Variants in FBXO4 observed in about 807,000 individuals in gnomAD.
FBXO4 encodes F-box only protein 4.
Under a neutral mutation model 43.7 loss-of-function variants are expected in FBXO4, and 36 were observed. The observed-to-expected ratio is 0.82, with a 90% CI of 0.63 to 1.09. The LOEUF (loss-of-function observed/expected upper bound fraction) is 1.09, where lower values mean the gene tolerates loss of function less well. Among genes scored for constraint, FBXO4 ranks in the 50% least tolerant of loss-of-function variants. The pLI is 0.00. For missense variants in FBXO4, 435 were observed against 474.1 expected, an observed-to-expected ratio of 0.92 and a Z score of 0.77; for synonymous variants, 180 against 165.6, an observed-to-expected ratio of 1.09 and a Z score of -0.67.
At chr5:41,948,910 T>G in the FBXO4 span, among the ~76,000 whole-genome samples, 1 of 152,158 alleles carries the variant, frequency 6.6e-6, no homozygotes, top group Non-Finnish European at 1.5e-5. Context: ...TGGTTCAACA[T>G]AGGCAAATCA....
rs1752003017 is a variant in FBXO4 at position 41,941,442 on chromosome 5, T to C, written c.*161T>C. ...TGTTTTTTATATTATTTTTACTCTT[T>C]ACCATAAATCAATTACAAGAAAAGA... On this transcript the variant is annotated 3_prime_UTR_variant, in exon 7 of 7. Transcript: ENST00000281623. 4.4e-6 allele frequency: 2 copies of C among 449,698 alleles called. No individual in the cohort carries two copies. The highest frequency in any genetic ancestry group is 9.1e-5 in the South Asian group (2 of 21,996). 27.9% of individuals were successfully genotyped at this position (449,698 alleles called of 1,614,324 possible).
chr5:41,926,669 C>T (rs1168993209), intron 1 of FBXO4, among the ~76,000 whole-genome samples: 1 of 152,176 alleles, frequency 6.6e-6, no homozygotes, highest in African/African-American at 2.4e-5. Context: ...CAAATTATTT[C>T]CTTAACTAAT....
At chr5:42,017,597 GC>G in the FBXO4 span, among the ~76,000 whole-genome samples, 2 of 144,834 alleles carry the variant, frequency 1.4e-5, no homozygotes, top group African/African-American at 5.1e-5. Flanking sequence ...CCTCTTTCCT[GC>G]CCCCCTCTAG....
the FBXO4 span, among the ~76,000 whole-genome samples, chr5:41,958,695 A>G: frequency 6.6e-5 from 10 of 152,198 alleles, no homozygotes; most frequent in Non-Finnish European, 1.3e-4. Context: ...AATGTACTCC[A>G]GGTTCATCCA....
chr5:42,006,914 A>ATATATATATGTATG, the FBXO4 span, among the ~76,000 whole-genome samples: 1 of 141,502 alleles, frequency 7.1e-6, no homozygotes, highest in African/African-American at 2.7e-5. Flanking sequence ...ATATATATAT[A>ATATATATATGTATG]TATGTATATA....
the FBXO4 span, among the ~76,000 whole-genome samples, chr5:41,987,242 T>G: frequency 1.3e-5 from 2 of 152,144 alleles, no homozygotes; most frequent in Admixed American, 1.3e-4. Flanking sequence ...ATGGAAATAA[T>G]AAATATTAAT....
the FBXO4 span, among the ~76,000 whole-genome samples, chr5:42,024,788 G>C: frequency 6.6e-6 from 1 of 151,940 alleles, no homozygotes. Flanking sequence ...TCCCACAAAT[G>C]AGTGAGAACA....
chr5:41,929,496 C>T (rs780967547), intron 2 of FBXO4, among the ~76,000 whole-genome samples: 2 of 152,198 alleles, frequency 1.3e-5, no homozygotes, highest in Non-Finnish European at 2.9e-5. Context: ...ACTCCCACCC[C>T]CATGGCACCT....
At chr5:41,930,670 C>CTT (rs555192662) in intron 3 of FBXO4, among the ~76,000 whole-genome samples, 6 of 141,780 alleles carry the variant, frequency 4.2e-5, no homozygotes, top group East Asian at 2.0e-4. Context: ...TTCTTTCTTT[C>CTT]TTTTTTTTTT....
chr5:41,934,625 C>G, intron 5 of FBXO4: 1 of 1,229,572 alleles, frequency 8.1e-7, no homozygotes, highest in Non-Finnish European at 1.0e-6. Context: ...AAGTTTGGTA[C>G]TAGAGCTATA....
chr5:41,984,888 A>G, the FBXO4 span, among the ~76,000 whole-genome samples: 1 of 152,070 alleles, frequency 6.6e-6, no homozygotes, highest in Non-Finnish European at 1.5e-5. Flanking sequence ...GTATGGAGGG[A>G]CTTTTTATTC....
At chr5:41,946,051 T>G (rs1049807943), downstream of FBXO4, among the ~76,000 whole-genome samples, 2 of 152,166 alleles carry the variant, frequency 1.3e-5, no homozygotes, top group African/African-American at 4.8e-5. Context: ...CATAATCAAA[T>G]GACCTTAAAT....
chr5:42,031,141 A>T, the FBXO4 span, among the ~76,000 whole-genome samples: 5 of 152,308 alleles, frequency 3.3e-5, no homozygotes, highest in Non-Finnish European at 7.3e-5. Flanking sequence ...TCATGCTGCT[A>T]TAAAGACACA....
At chr5:41,973,667 C>A in the FBXO4 span, among the ~76,000 whole-genome samples, 6 of 152,160 alleles carry the variant, frequency 3.9e-5, no homozygotes, top group Non-Finnish European at 8.8e-5. Context: ...GGTGAGACAG[C>A]ATCTGCAGTT....
intron 5 of FBXO4, 146 bp downstream of exon 5, chr5:41,934,454 T>G (rs1751795991): frequency 6.8e-7 from 1 of 1,474,632 alleles, no homozygotes; most frequent in African/African-American, 1.4e-5. Flanking sequence ...TAATAGTGTG[T>G]TCTCACACTT....
chr5:42,010,959 G>T, the FBXO4 span, among the ~76,000 whole-genome samples: 1 of 151,940 alleles, frequency 6.6e-6, no homozygotes, highest in African/African-American at 2.4e-5. Context: ...TACGTGCCAT[G>T]GTGGTTTGCT....
At chr5:42,000,522 T>A in the FBXO4 span, among the ~76,000 whole-genome samples, 2 of 152,236 alleles carry the variant, frequency 1.3e-5, no homozygotes, top group Admixed American at 6.5e-5. Flanking sequence ...ATATTTTCTC[T>A]CATTCCATAG....
the FBXO4 span, among the ~76,000 whole-genome samples, chr5:42,009,151 AAT>A: frequency 6.6e-6 from 1 of 152,180 alleles, no homozygotes; most frequent in Non-Finnish European, 1.5e-5. Flanking sequence ...GTTATCATTT[AAT>A]GAAGACTGCA....
At chr5:42,037,798 G>T in the FBXO4 span, among the ~76,000 whole-genome samples, 5 of 151,988 alleles carry the variant, frequency 3.3e-5, no homozygotes, top group Admixed American at 6.6e-5. Context: ...ACTAATCAAT[G>T]ACCTCAATTT....
Sources: gnomAD v4.1 joint callset for allele counts (sites outside exome capture counted in the v4.1 genomes callset) on GRCh38, gnomAD v4.1.1 for gene constraint, MANE v1.5 for transcripts, NCBI Gene and HGNC (gene_info 2026-07-23, HGNC 2026-07-21) for gene names.